SDC4: variants seen among roughly 807,000 people sequenced by gnomAD.
The protein encoded by SDC4 is syndecan-4.
SDC4 carries 17 observed loss-of-function variants against 20.5 expected under a neutral mutation model. That is an observed-to-expected ratio of 0.83 (90% CI 0.57 to 1.25). SDC4 has a LOEUF of 1.25. Among genes scored for constraint, SDC4 ranks in the 50% most tolerant of loss-of-function variants. The pLI is 0.00. For missense variants in SDC4, 241 were observed against 252.3 expected, an observed-to-expected ratio of 0.96 and a Z score of 0.30; for synonymous variants, 107 against 105.3, an observed-to-expected ratio of 1.02 and a Z score of -0.10.
At chr20:45,334,281 G>A (rs773652507) in intron 2 of SDC4, among the ~76,000 whole-genome samples, 27 of 152,170 alleles carry the variant, frequency 1.8e-4, no homozygotes, top group Non-Finnish European at 3.1e-4. Flanking sequence ...ACAGGTGTAA[G>A]CCACCGCGCC....
At chr20:45,348,265 A>G (rs1988064570) in intron 1 of SDC4, 60 bp downstream of exon 1, 2 of 1,405,694 alleles carry the variant, frequency 1.4e-6, no homozygotes, top group East Asian at 5.1e-5. Context: ...CCGACGAACA[A>G]AGGAGGCACC....
At chr20:45,332,977 C>T (rs1279447694) in intron 3 of SDC4, 46 bp downstream of exon 3, 6 of 1,577,412 alleles carry the variant, frequency 3.8e-6, no homozygotes, top group Non-Finnish European at 5.2e-6. Flanking sequence ...AATAGGTCTG[C>T]TATAGAGGAG....
chr20:45,335,905 C>A lies in SDC4; in HGVS notation c.76G>T (p.Val26Phe), dbSNP rs765922195. The change falls in exon 2 of 5, where the codon GTC becomes TTC. Residue 26 changes from valine to phenylalanine, a missense_variant. Val to Phe is a conservative substitution (Grantham distance 50, BLOSUM62 -1). Coordinates refer to ENST00000372733, the MANE Select transcript of SDC4 (RefSeq NM_002999.4). ...TCTAGGAGGTCCTGGGGGTCGATGA[C>A]CTCAGTCTCTCGGATCTAAGATAAA... ...GVAESIRETE[V>F]IDPQDLLEGR... 6.2e-7 allele frequency: 1 copy of A among 1,612,910 alleles called. No homozygotes were observed. Among genetic ancestry groups the A allele is most frequent in the Non-Finnish European group, 8.5e-7 (1 of 1,179,924 alleles).
At chr20:45,331,482 G>C (rs928732187) in intron 3 of SDC4, among the ~76,000 whole-genome samples, 5 of 152,138 alleles carry the variant, frequency 3.3e-5, no homozygotes, top group Non-Finnish European at 7.3e-5. Flanking sequence ...GTAAAATAAG[G>C]CTGAGACCTG....
chr20:45,344,850 A>C (rs1225520925), intron 1 of SDC4, among the ~76,000 whole-genome samples: 1 of 152,198 alleles, frequency 6.6e-6, no homozygotes, highest in African/African-American at 2.4e-5. Flanking sequence ...ACCCAGAGAC[A>C]GGGCATGTTT....
In SDC4 at chr20:45,335,897, G is replaced by A; in HGVS notation, c.84C>T (p.Asp28=). 6.2e-7 allele frequency: 1 copy of A among 1,613,370 alleles called. No individual in the cohort carries two copies. Among genetic ancestry groups the A allele is most frequent in the Non-Finnish European group, 8.5e-7 (1 of 1,179,938 alleles). ...ATCGGCCTTCTAGGAGGTCCTGGGG[G>A]TCGATGACCTCAGTCTCTCGGATCT... ...AESIRETEVI[D]PQDLLEGRYF... Residue 28 remains aspartate, a synonymous_variant, in exon 2 of 5, where the codon GAC becomes GAT. Coordinates refer to ENST00000372733, the MANE Select transcript of SDC4 (RefSeq NM_002999.4).
chr20:45,330,540 C>G lies in SDC4; in HGVS notation c.271G>C (p.Glu91Gln). 6.2e-7 allele frequency: 1 copy of G among 1,614,094 alleles called. No individual in the cohort carries two copies. Among genetic ancestry groups the G allele is most frequent in the South Asian group, 1.1e-5 (1 of 91,066 alleles). ...PLVPLDNHIP[E>Q]RAGSGSQVPT... is the part of the protein sequence containing the mutation. ...ACTTGGCTCCCAGACCCTGCCCTCT[C>G]AGGGATATGGTTATCTAGAGGCACC... The change falls in exon 4 of 5, where the codon GAG (glutamate) becomes CAG (glutamine). Residue 91 changes from glutamate (E) to glutamine (Q), a missense_variant. Physicochemically the swap from Glu to Gln is conservative, Grantham distance 29. Coordinates refer to ENST00000372733, the MANE Select transcript of SDC4 (RefSeq NM_002999.4).
chr20:45,345,201 G>A (rs1234909663), intron 1 of SDC4: 1 of 152,198 alleles, frequency 6.6e-6, no homozygotes, highest in Non-Finnish European at 1.5e-5. Context: ...AACAAATAGA[G>A]CAGAGTTCCT....
Position 45,327,373 on chromosome 20 carries a change from A to G in SDC4, c.488T>C (p.Phe163Ser). ...GGIVGILFAV[F>S]LILLLMYRMK... is the part of the protein sequence containing the mutation. ...ACGGTACATGAGCAGTAGGATCAGG[A>G]AGACGGCAAAGAGGATGCCCACGAT... Residue 163 changes from phenylalanine to serine, a missense_variant, in exon 5 of 5, where the codon TTC becomes TCC. Phe to Ser is a radical substitution (Grantham distance 155, BLOSUM62 -2). Transcript: ENST00000372733. 6.2e-7 allele frequency: 1 copy of G among 1,613,978 alleles called. No individual in the cohort carries two copies. The highest frequency in any genetic ancestry group is 8.5e-7 in the Non-Finnish European group (1 of 1,179,916).
intron 1 of SDC4, among the ~76,000 whole-genome samples, chr20:45,347,288 C>T (rs1465055990): frequency 6.6e-6 from 1 of 152,208 alleles, no homozygotes; most frequent in Non-Finnish European, 1.5e-5. Context: ...CAAGGACTCA[C>T]TCGCTCTGAA....
In SDC4 at chr20:45,348,241, C is replaced by T. The variant is rs922766884; in HGVS notation, c.60+84G>A. 37 of 1,204,526 alleles carry T rather than the reference C, an allele frequency of 3.1e-5. 1 individual carries two copies. Among genetic ancestry groups the T allele is most frequent in the Non-Finnish European group, 4.2e-5 (35 of 838,052 alleles). 74.6% of individuals were successfully genotyped at this position (1,204,526 alleles called of 1,614,324 possible). A position where few individuals can be genotyped will look rare whatever the true frequency, so the allele number is the denominator to read the frequency against. On this transcript the variant is annotated intron_variant, in intron 1 of 4. Coordinates refer to ENST00000372733, the MANE Select transcript of SDC4 (RefSeq NM_002999.4). The stretch of plus-strand genomic sequence containing the variant: ...GGTAGCGTACCCCCGATCTGCCCCC[C>T]CCCATCCCACGCTCCGACGAACAAA...
At position 45,333,466 on chromosome 20, in the gene SDC4, C is replaced by T. The variant is rs540014499; in HGVS notation, c.200-397G>A. Among the ~76,000 whole-genome samples the T allele has an allele frequency of 2.9e-3, 448 of 152,278 alleles. 3 individuals carry two copies. The highest frequency in any genetic ancestry group is 0.01 in the African/African-American group (422 of 41,538). ...GGCAGATCACTTGAGGTCAGGAGAT[C>T]GAGACCAGCCTGGCCAACATAGTGA... On this transcript the variant is annotated intron_variant, in intron 2 of 4. Coordinates refer to ENST00000372733, the MANE Select transcript of SDC4 (RefSeq NM_002999.4).
At chr20:45,328,022 A>G (rs764684484) in intron 4 of SDC4, among the ~76,000 whole-genome samples, 3 of 152,234 alleles carry the variant, frequency 2.0e-5, no homozygotes, top group Non-Finnish European at 4.4e-5. Flanking sequence ...ACAGTCTAGC[A>G]CTAACTGAAC....
chr20:45,333,208 C>T, intron 2 of SDC4, 139 bp from the exon 3 acceptor site: 1 of 736,534 alleles, frequency 1.4e-6, no homozygotes, highest in East Asian at 2.6e-5. Context: ...CCCACCCCTA[C>T]TTCAGTCATC....
intron 2 of SDC4, among the ~76,000 whole-genome samples, chr20:45,333,699 C>A (rs1468146986): frequency 6.6e-6 from 1 of 152,096 alleles, no homozygotes; most frequent in South Asian, 2.1e-4. Flanking sequence ...TCCCTCCATA[C>A]GTATTCCTAA....
chr20:45,343,006 C>T (rs1366082275), intron 1 of SDC4, among the ~76,000 whole-genome samples: 3 of 152,152 alleles, frequency 2.0e-5, no homozygotes, highest in Admixed American at 6.5e-5. Flanking sequence ...TTCACATCAA[C>T]AAAGTGACGT....
chr20:45,328,140 T>C (rs997438280), intron 4 of SDC4, among the ~76,000 whole-genome samples: 1 of 152,172 alleles, frequency 6.6e-6, no homozygotes, highest in African/African-American at 2.4e-5. Flanking sequence ...TATTTACCTA[T>C]ATAGCCTACA....
chr20:45,332,315 G>A (rs1234477757), intron 3 of SDC4, among the ~76,000 whole-genome samples: 1 of 151,474 alleles, frequency 6.6e-6, no homozygotes, highest in Non-Finnish European at 1.5e-5. Flanking sequence ...GCACGCCACT[G>A]TGCCAGGCTA....
intron 1 of SDC4, among the ~76,000 whole-genome samples, chr20:45,343,673 G>A (rs892985008): frequency 1.3e-5 from 2 of 152,218 alleles, no homozygotes; most frequent in Non-Finnish European, 2.9e-5. Flanking sequence ...TCCCAGCTGT[G>A]GGGGTAGATA....
Sources: allele counts gnomAD v4.1 joint callset (sites outside exome capture counted in the v4.1 genomes callset), GRCh38; gene constraint gnomAD v4.1.1; transcripts MANE v1.5; gene names NCBI Gene and HGNC (gene_info 2026-07-23, HGNC 2026-07-21).